DCAKD: variants seen among roughly 807,000 people sequenced by gnomAD.
DCAKD encodes the protein dephospho-CoA kinase domain containing.
In DCAKD, 15 loss-of-function variants were observed where a neutral mutation model predicts 18.7. The ratio of observed to expected loss-of-function variants is 0.80; its 90% CI spans 0.54 to 1.24. The LOEUF (loss-of-function observed/expected upper bound fraction) is 1.24. DCAKD is among the 50% of genes most tolerant of loss of function. DCAKD has a pLI of 0.00. For synonymous variants in DCAKD, 130 were observed against 133.0 expected, an observed-to-expected ratio of 0.98 and a Z score of 0.16; for missense variants, 301 against 322.0, an observed-to-expected ratio of 0.93 and a Z score of 0.50.
chr17:45,050,807 G>A (rs922781728), intron 1 of DCAKD, among the ~76,000 whole-genome samples: 2 of 148,524 alleles, frequency 1.3e-5, no homozygotes, highest in South Asian at 2.1e-4. Context: ...CACAACTAAG[G>A]GAGAGTGAAA....
intron 1 of DCAKD, among the ~76,000 whole-genome samples, chr17:45,056,809 C>T (rs535956323): frequency 6.6e-6 from 1 of 151,586 alleles, no homozygotes; most frequent in African/African-American, 2.4e-5. Context: ...GCTCTGTCAC[C>T]CAGGCTGGAG....
chr17:45,052,516 CCT>C (rs1342394257), upstream of DCAKD, among the ~76,000 whole-genome samples: 3 of 152,126 alleles, frequency 2.0e-5, no homozygotes, highest in African/African-American at 7.2e-5. Flanking sequence ...AGCCACTCAG[CCT>C]CTCATCCTGT....
chr17:45,040,602 G>A lies in DCAKD; in HGVS notation c.-114-5603C>T, dbSNP rs115150085. 1.7e-3 allele frequency among the ~76,000 whole-genome samples: 259 copies of A among 152,240 alleles called. 1 individual carries two copies. Among genetic ancestry groups the A allele is most frequent in the African/African-American group, 6.2e-3 (257 of 41,546 alleles). On this transcript the variant is annotated intron_variant, in intron 1 of 4. Transcript: ENST00000651974. ...ATTCTGGGACCAATCCCAGGTATGGGATTCATCAGCCAAGGAGGAGCCAGA... is the reference window on the plus strand; with the variant it reads ...ATTCTGGGACCAATCCCAGGTATGGAATTCATCAGCCAAGGAGGAGCCAGA...
At chr17:45,050,794 T>C (rs1482432392) in intron 1 of DCAKD, among the ~76,000 whole-genome samples, 1 of 151,548 alleles carries the variant, frequency 6.6e-6, no homozygotes, top group Non-Finnish European at 1.5e-5. Flanking sequence ...TGAATCATTT[T>C]CCCACAACTA....
intron 4 of DCAKD, among the ~76,000 whole-genome samples, chr17:45,027,990 T>TAA (rs573749050): frequency 1.7e-5 from 2 of 115,450 alleles, no homozygotes; most frequent in African/African-American, 3.2e-5. Context: ...CATCTCAATT[T>TAA]AAAAAAAAAA....
At chr17:45,043,784 A>G (rs909972128) in intron 1 of DCAKD, among the ~76,000 whole-genome samples, 1 of 151,952 alleles carries the variant, frequency 6.6e-6, no homozygotes, top group African/African-American at 2.4e-5. Context: ...GGTTTTTCTC[A>G]TAACTCCATT....
At chr17:45,040,047 C>G (rs1457059794) in intron 1 of DCAKD, among the ~76,000 whole-genome samples, 2 of 149,310 alleles carry the variant, frequency 1.3e-5, no homozygotes, top group African/African-American at 5.0e-5. Context: ...GAGCAGAGAT[C>G]ATGCCACTCT....
intron 1 of DCAKD, among the ~76,000 whole-genome samples, chr17:45,059,165 G>A (rs192247389): frequency 3.3e-5 from 5 of 152,206 alleles, no homozygotes; most frequent in East Asian, 3.9e-4. Context: ...GCGTGAACCC[G>A]GGAGGCAGAG....
At position 45,051,460 on chromosome 17, in the gene DCAKD, G is replaced by A. The variant is rs916918776; in HGVS notation, c.-214C>T. On this transcript the variant is annotated 5_prime_UTR_variant, in exon 1 of 5. Coordinates refer to ENST00000651974, the MANE Select transcript of DCAKD (RefSeq NM_001288655.2). ...AGGCCGCGAAATTGGGTCGCCCGGGGCGGTGGCAGCCCCGCGTAGCAGCCG... is the reference window on the plus strand; with the variant it reads ...AGGCCGCGAAATTGGGTCGCCCGGGACGGTGGCAGCCCCGCGTAGCAGCCG... 2 of 151,986 alleles carry A rather than the reference G, an allele frequency of 1.3e-5. No individual in the cohort carries two copies. The highest frequency in any genetic ancestry group is 1.3e-4 in the Admixed American group (2 of 15,266). 9.4% of individuals were successfully genotyped at this position (151,986 alleles called of 1,614,324 possible).
intron 1 of DCAKD, among the ~76,000 whole-genome samples, chr17:45,044,215 C>A (rs1001678926): frequency 1.3e-5 from 2 of 152,062 alleles, no homozygotes; most frequent in Admixed American, 6.6e-5. Context: ...TCCAACCACT[C>A]CCCCCTACAT....
At chr17:45,034,642 A>AGACAGAAGTCAGACCAGGGTC (rs2053248466) in intron 2 of DCAKD, 132 bp downstream of exon 2, 1 of 1,050,690 alleles carries the variant, frequency 9.5e-7, no homozygotes, top group Non-Finnish European at 1.4e-6. Flanking sequence ...CACGGGGCAG[A>AGACAGAAGTCAGACCAGGGTC]GACAGAAGTC....
At chr17:45,056,975 GC>G (rs1311937502) in intron 1 of DCAKD, among the ~76,000 whole-genome samples, 1 of 151,300 alleles carries the variant, frequency 6.6e-6, no homozygotes, top group Non-Finnish European at 1.5e-5. Flanking sequence ...CACCATGTTA[GC>G]CAGGATGGTC....
chr17:45,024,297 G>A lies in DCAKD; in HGVS notation c.*136C>T. 4 of 411,518 alleles carry A rather than the reference G, an allele frequency of 9.7e-6. No homozygotes were observed. Among genetic ancestry groups the A allele is most frequent in the Non-Finnish European group, 1.6e-5 (4 of 252,450 alleles). 25.5% of individuals were successfully genotyped at this position (411,518 alleles called of 1,614,324 possible). On this transcript the variant is annotated 3_prime_UTR_variant, in exon 5 of 5. Coordinates refer to ENST00000651974, the MANE Select transcript of DCAKD (RefSeq NM_001288655.2). ...TGATTCGGAGAGTCCGTGTGTGTGT[G>A]TGTGTGTGTGTGTGTGTGTGTGTGT...
At chr17:45,057,919 G>C (rs1163017504) in intron 1 of DCAKD, among the ~76,000 whole-genome samples, 1 of 146,808 alleles carries the variant, frequency 6.8e-6, no homozygotes, top group African/African-American at 2.5e-5. Context: ...GCTGAGGCAG[G>C]AGAATCGCTT....
intron 1 of DCAKD, among the ~76,000 whole-genome samples, chr17:45,043,145 T>A (rs75732666): frequency 0.045 from 6,919 of 152,120 alleles, 517 homozygotes; most frequent in African/African-American, 0.16. Context: ...GAGCTTCTCT[T>A]TCCTTGAGTA....
At chr17:45,045,271 C>T (rs1597974224) in intron 1 of DCAKD, among the ~76,000 whole-genome samples, 1 of 152,140 alleles carries the variant, frequency 6.6e-6, no homozygotes, top group East Asian at 1.9e-4. Context: ...TAAAACAGCA[C>T]CCCTGCTTTA....
At chr17:45,039,842 G>A (rs1420395336) in intron 1 of DCAKD, among the ~76,000 whole-genome samples, 2 of 152,210 alleles carry the variant, frequency 1.3e-5, no homozygotes, top group Non-Finnish European at 2.9e-5. Context: ...GGGGCCAGGC[G>A]CAGTGGCTGT....
At chr17:45,031,028 G>T (rs567009107) in intron 3 of DCAKD, 4 of 985,426 alleles carry the variant, frequency 4.1e-6, no homozygotes, top group Non-Finnish European at 4.8e-6. Flanking sequence ...TGTGTACAAA[G>T]CTGGGAGGGC....
Position 45,034,370 on chromosome 17 carries a change from C to T in DCAKD, c.133G>A (p.Ala45Thr), listed in dbSNP as rs2053241949. 6.2e-7 allele frequency: 1 copy of T among 1,613,748 alleles called. No individual in the cohort carries two copies. The highest frequency in any genetic ancestry group is 1.3e-5 in the African/African-American group (1 of 74,938). ...ARHVVQPGYP[A>T]HRRIVEVFGT... ...AAGACCTCTACGATGCGCCGGTGGGCAGGGTATCCTGGCTGCACGACTGTG... is the reference window on the plus strand; with the variant it reads ...AAGACCTCTACGATGCGCCGGTGGGTAGGGTATCCTGGCTGCACGACTGTG... Residue 45 changes from alanine to threonine, a missense_variant, in exon 3 of 5, where the codon GCC becomes ACC. Ala to Thr is a moderately conservative substitution (Grantham distance 58, BLOSUM62 0). Coordinates refer to ENST00000651974, the MANE Select transcript of DCAKD (RefSeq NM_001288655.2).
Sources: gnomAD v4.1 joint callset for allele counts (sites outside exome capture counted in the v4.1 genomes callset) on GRCh38, gnomAD v4.1.1 for gene constraint, MANE v1.5 for transcripts, NCBI Gene and HGNC (gene_info 2026-07-23, HGNC 2026-07-21) for gene names.